Variants in SPTLC1 observed in about 807,000 individuals in gnomAD.
SPTLC1 encodes the protein serine palmitoyltransferase 1.
In SPTLC1, 55 loss-of-function variants were observed where a neutral mutation model predicts 68.9. That is an observed-to-expected ratio of 0.80 (90% CI 0.64 to 1.00). SPTLC1 has a LOEUF of 1.00. SPTLC1 is among the 50% of genes least tolerant of loss of function. The probability of loss-of-function intolerance (pLI) is 0.00; values close to 1 mark genes in which losing one functional copy is unlikely to be tolerated. For missense variants in SPTLC1, 449 were observed against 573.1 expected (o/e 0.78, Z 2.21); for synonymous variants, 197 against 201.6 (o/e 0.98, Z 0.19).
intron 3 of SPTLC1, among the ~76,000 whole-genome samples, chr9:92,092,344 G>A (rs59183854): frequency 0.064 from 9,784 of 151,974 alleles, 630 homozygotes; most frequent in East Asian, 0.27. Context: ...AAATTACTGA[G>A]AAGACAAAAA....
chr9:92,111,475 C>A (rs1388794282), intron 2 of SPTLC1: 1 of 152,060 alleles, frequency 6.6e-6, no homozygotes, highest in East Asian at 1.9e-4. Flanking sequence ...AGTAAAAATA[C>A]CCCTATACGA....
At position 92,105,350 on chromosome 9, in the gene SPTLC1, A is replaced by C. The variant is rs1200329709; in HGVS notation, c.260+3390T>G. On this transcript the variant is annotated intron_variant, in intron 3 of 14. Transcript: ENST00000262554. ...CCAGCAGGGCAACATGCGTAAGAAC[A>C]TGAGGTTGTTAAGTAGAACATCAAA... 4 of 1,519,984 alleles carry C rather than the reference A, an allele frequency of 2.6e-6. No homozygotes were observed. In the East Asian group the frequency reaches 9.8e-5, roughly 37 times the overall value. The allele number at this position is 1,519,984 out of a possible 1,614,324, so 94.2% of individuals were successfully genotyped here.
At chr9:92,112,375 GCCA>G in intron 2 of SPTLC1, 77 bp downstream of exon 2, 1 of 1,017,634 alleles carries the variant, frequency 9.8e-7, no homozygotes, top group South Asian at 1.3e-5. Context: ...ACATGGTTGA[GCCA>G]CCACAAATCC....
At chr9:92,104,744 G>A in intron 3 of SPTLC1, 2 of 1,533,260 alleles carry the variant, frequency 1.3e-6, no homozygotes, top group Non-Finnish European at 1.7e-6. Context: ...CTGTAGCAAT[G>A]GGGAAGCAGC....
intron 3 of SPTLC1, among the ~76,000 whole-genome samples, chr9:92,103,572 C>T (rs1400164750): frequency 7.9e-5 from 12 of 152,202 alleles, no homozygotes; most frequent in Admixed American, 2.6e-4. Flanking sequence ...TTGTAAAAAG[C>T]GGAGACCCTG....
intron 2 of SPTLC1, 140 bp downstream of exon 2, chr9:92,112,315 A>G: frequency 1.5e-6 from 1 of 658,552 alleles, no homozygotes. Flanking sequence ...TGCCTACCCT[A>G]ATAATTCATT....
chr9:92,059,821 G>A (rs1834024494), intron 6 of SPTLC1, among the ~76,000 whole-genome samples: 1 of 152,174 alleles, frequency 6.6e-6, no homozygotes. Flanking sequence ...GCTGAGAAGG[G>A]AACTTAGACT....
intron 11 of SPTLC1, 122 bp from the exon 12 acceptor site, chr9:92,046,175 T>TA: frequency 1.1e-6 from 1 of 882,532 alleles, no homozygotes. Context: ...TTCTACATAC[T>TA]AACAGAGCCA....
rs1387907220 is a variant in SPTLC1 at position 92,067,980 on chromosome 9, C to T, written c.546G>A (p.Gly182=). 6.2e-7 allele frequency: 1 copy of T among 1,614,042 alleles called. No individual in the cohort carries two copies. Among genetic ancestry groups the T allele is most frequent in the Admixed American group, 1.7e-5 (1 of 60,028 alleles). Residue 182 remains glycine, a synonymous_variant, in exon 6 of 15, where the codon GGG becomes GGA. Transcript: ENST00000262554. ...ASAIPAYSKR[G]DIVFVDRAAC... ...AGTTTACTTACACAAAAACAATGTC[C>T]CCTCTTTTAGAGTAAGCAGGAATAG...
chr9:92,058,603 T>C (rs1833973144), intron 7 of SPTLC1, among the ~76,000 whole-genome samples: 1 of 152,122 alleles, frequency 6.6e-6, no homozygotes, highest in Non-Finnish European at 1.5e-5. Context: ...TGGGTTATGT[T>C]AGGTTCTCGA....
chr9:92,076,779 T>A (rs1834696296), intron 5 of SPTLC1: 3 of 152,190 alleles, frequency 2.0e-5, no homozygotes, highest in Admixed American at 2.0e-4. Context: ...TTATGCCCCG[T>A]GTCTGGAAAC....
chr9:92,031,600 C>T lies in SPTLC1; in HGVS notation c.*865G>A, dbSNP rs1311948743. The T allele has an allele frequency of 3.9e-5, 6 of 152,292 alleles. No homozygotes were observed. Among genetic ancestry groups the T allele is most frequent in the East Asian group, 1.9e-4 (1 of 5,182 alleles). 9.4% of individuals were successfully genotyped at this position (152,292 alleles called of 1,614,324 possible). The stretch of plus-strand genomic sequence containing the variant: ...GGCTTAGTAAAAGCCTGTAGTTACA[C>T]GTCCCTAGGCAAACCCACCATACAA... On this transcript the variant is annotated 3_prime_UTR_variant, in exon 15 of 15. Coordinates refer to ENST00000262554, the MANE Select transcript of SPTLC1 (RefSeq NM_006415.4).
chr9:92,106,971 C>G (rs1378282338), intron 3 of SPTLC1, among the ~76,000 whole-genome samples: 1 of 152,100 alleles, frequency 6.6e-6, no homozygotes, highest in Non-Finnish European at 1.5e-5. Context: ...CCCAAGTATG[C>G]AAGCAATATA....
chr9:92,033,479 T>C (rs1833041143), intron 14 of SPTLC1, among the ~76,000 whole-genome samples: 1 of 152,224 alleles, frequency 6.6e-6, no homozygotes, highest in African/African-American at 2.4e-5. Flanking sequence ...CATGGAGTCC[T>C]GAGGGCACAA....
In SPTLC1 at chr9:92,059,244, A is replaced by G. The variant is rs1564092822; in HGVS notation, c.625T>C (p.Phe209Leu). The change falls in exon 7 of 15, where the codon TTT becomes CTT. Residue 209 changes from phenylalanine to leucine, a missense_variant. Phe to Leu is a conservative substitution (Grantham distance 22, BLOSUM62 0). This residue lies in a region of SPTLC1 where 391 missense variants were observed against 472.1 expected (regional missense o/e 0.83). Coordinates refer to ENST00000262554, the MANE Select transcript of SPTLC1 (RefSeq NM_006415.4). Reference protein sequence around the residue: ...LQASRSDIKLFKHNDMADLER... With the variant: ...LQASRSDIKLLKHNDMADLER... ...AGGTCAGCCATGTCATTATGCTTAAATAACTTAATGTCACTACGGGATGCC... is the reference window on the plus strand; with the variant it reads ...AGGTCAGCCATGTCATTATGCTTAAGTAACTTAATGTCACTACGGGATGCC... The G allele has an allele frequency of 6.2e-7, 1 of 1,613,988 alleles. No individual in the cohort carries two copies. Among genetic ancestry groups the G allele is most frequent in the Non-Finnish European group, 8.5e-7 (1 of 1,179,900 alleles).
chr9:92,075,422 C>T (rs1411090826), intron 5 of SPTLC1, among the ~76,000 whole-genome samples: 1 of 152,142 alleles, frequency 6.6e-6, no homozygotes, highest in Non-Finnish European at 1.5e-5. Context: ...TTCCCTCGCC[C>T]CTCCTTTTAC....
At chr9:92,062,261 C>G (rs1340237066) in intron 6 of SPTLC1, among the ~76,000 whole-genome samples, 1 of 152,094 alleles carries the variant, frequency 6.6e-6, no homozygotes, top group African/African-American at 2.4e-5. Context: ...GGAAAATTAT[C>G]AGAGACAGAG....
At chr9:92,051,177 T>C in intron 8 of SPTLC1, 2 of 981,314 alleles carry the variant, frequency 2.0e-6, no homozygotes, top group Non-Finnish European at 2.4e-6. Context: ...CTTCTATTGA[T>C]ACTTAAAATA....
rs184240500 is a variant in SPTLC1, at chr9:92,069,217, G to A, written c.428-1119C>T. 2.0e-4 allele frequency among the ~76,000 whole-genome samples: 31 copies of A among 152,312 alleles called. 1 individual carries two copies. The East Asian group carries it at 6.0e-3, about 29-fold the overall frequency. Reference sequence around the variant, plus strand: ...GGGCAGCAGAGAGGGCTGACGGCCTGGCAGGAGGCAGTATATTTACAGACT... The same window carrying A: ...GGGCAGCAGAGAGGGCTGACGGCCTAGCAGGAGGCAGTATATTTACAGACT... On this transcript the variant is annotated intron_variant, in intron 5 of 14. Transcript: ENST00000262554.
Sources: allele counts gnomAD v4.1 joint callset (sites outside exome capture counted in the v4.1 genomes callset), GRCh38; gene constraint gnomAD v4.1.1; regional missense constraint gnomAD v4.1.1; transcripts MANE v1.5; gene names NCBI Gene and HGNC (gene_info 2026-07-23, HGNC 2026-07-21).